Variants in CLIC5 observed in about 807,000 individuals in gnomAD.
The protein encoded by CLIC5 is CLIC family member 5.
In CLIC5, 20 loss-of-function variants were observed where a neutral mutation model predicts 24.7. The ratio of observed to expected loss-of-function variants is 0.81; its 90% CI spans 0.57 to 1.18. The LOEUF (loss-of-function observed/expected upper bound fraction) is 1.18, where lower values mean the gene tolerates loss of function less well. Ranked by LOEUF, CLIC5 falls within the 50% of genes most tolerant of loss-of-function variation. The probability of loss-of-function intolerance (pLI) is 0.00; values close to 1 mark genes in which losing one functional copy is unlikely to be tolerated. For missense variants in CLIC5, 341 were observed against 326.1 expected (o/e 1.05, Z -0.35); for synonymous variants, 159 against 135.6 (o/e 1.17, Z -1.20).
intron 1 of CLIC5, among the ~76,000 whole-genome samples, chr6:46,049,307 G>A (rs1472200790): frequency 6.6e-6 from 1 of 152,128 alleles, no homozygotes; most frequent in East Asian, 1.9e-4. Context: ...CCAGGAACTT[G>A]TGAAAACAGC....
At chr6:46,122,075 C>T in the CLIC5 span, among the ~76,000 whole-genome samples, 1 of 152,162 alleles carries the variant, frequency 6.6e-6, no homozygotes, top group African/African-American at 2.4e-5. Context: ...CTGCACCAAG[C>T]AGGCCTAATA....
chr6:45,960,255 A>G (rs1455468452), intron 1 of CLIC5, among the ~76,000 whole-genome samples: 1 of 152,194 alleles, frequency 6.6e-6, no homozygotes, highest in Non-Finnish European at 1.5e-5. Flanking sequence ...AGTGGGAGGA[A>G]TCATTCAGAG....
In CLIC5 at chr6:45,914,354, G is replaced by A; in HGVS notation, c.462C>T (p.Thr154=). 6.2e-7 allele frequency: 1 copy of A among 1,605,322 alleles called. No homozygotes were observed. Among genetic ancestry groups the A allele is most frequent in the Non-Finnish European group, 8.5e-7 (1 of 1,173,556 alleles). The change falls in exon 5 of 6, where the codon ACC becomes ACT. Residue 154 remains threonine (T), a synonymous_variant. Transcript: ENST00000339561. ...ALKKLDDYLN[T]PLPEEIDANT... is the part of the protein sequence containing the mutation. ...TGGCGTCAATCTCCTCTGGTAGAGG[G>A]GTGTTCAGGTAGTCATCCAATTTCT...
intron 4 of CLIC5, among the ~76,000 whole-genome samples, chr6:45,940,127 T>C: frequency 6.6e-6 from 1 of 152,170 alleles, no homozygotes; most frequent in East Asian, 1.9e-4. Flanking sequence ...CTTCCCCGCA[T>C]CTTCTGCTCA....
chr6:46,098,348 A>T, the CLIC5 span, among the ~76,000 whole-genome samples: 1 of 152,170 alleles, frequency 6.6e-6, no homozygotes. Context: ...GGCAGAAATT[A>T]TTAATTATTA....
chr6:45,890,050 G>A (rs1366258545), intron 6 of CLIC5, among the ~76,000 whole-genome samples: 1 of 152,142 alleles, frequency 6.6e-6, no homozygotes, highest in African/African-American at 2.4e-5. Context: ...TTTGAGAAAT[G>A]TCCATTCAAG....
the CLIC5 span, among the ~76,000 whole-genome samples, chr6:46,118,640 A>G: frequency 6.6e-6 from 1 of 152,242 alleles, no homozygotes; most frequent in Non-Finnish European, 1.5e-5. Context: ...CCTGTCTACA[A>G]GATAATATGA....
At chr6:46,088,163 G>GTGTGTGTGTT in the CLIC5 span, among the ~76,000 whole-genome samples, 3 of 141,928 alleles carry the variant, frequency 2.1e-5, no homozygotes, top group Non-Finnish European at 4.7e-5. Flanking sequence ...CTCTCTTTCT[G>GTGTGTGTGTT]TGTGTGTGTG....
rs757225485 is a variant in CLIC5, at chr6:45,949,315, G to A, written c.240C>T (p.Asp80=). ...THPPFLTFNG[D]VKTDVNKIEE... ...CGATCTTATTGACGTCTGTCTTCACGTCCCCGTTGAAGGTCAGGAAGGGCG... is the reference window on the plus strand; with the variant it reads ...CGATCTTATTGACGTCTGTCTTCACATCCCCGTTGAAGGTCAGGAAGGGCG... Residue 80 remains aspartate (D), a synonymous_variant, in exon 3 of 6, where the codon GAC becomes GAT. Coordinates refer to ENST00000339561, the MANE Select transcript of CLIC5 (RefSeq NM_016929.5). The A allele has an allele frequency of 2.7e-5, 43 of 1,613,934 alleles. No homozygotes were observed. Among genetic ancestry groups the A allele is most frequent in the Admixed American group, 8.3e-5 (5 of 60,010 alleles).
chr6:46,000,268 C>G (rs1275640533), intron 1 of CLIC5, among the ~76,000 whole-genome samples: 2 of 152,238 alleles, frequency 1.3e-5, no homozygotes, highest in Non-Finnish European at 1.5e-5. Context: ...CTAACCTCCA[C>G]GTTGTTTGGA....
At chr6:46,085,213 G>A (rs577277927), upstream of CLIC5, among the ~76,000 whole-genome samples, 4 of 152,240 alleles carry the variant, frequency 2.6e-5, no homozygotes, top group South Asian at 8.3e-4. Context: ...TTTGCCTTTG[G>A]TTTGAATTTC....
intron 1 of CLIC5, among the ~76,000 whole-genome samples, chr6:46,011,755 T>C (rs1402178586): frequency 6.6e-6 from 1 of 152,226 alleles, no homozygotes; most frequent in Non-Finnish European, 1.5e-5. Context: ...TCTGTTTTGC[T>C]TTTACTTCCT....
chr6:46,063,394 A>G (rs1224381265), intron 1 of CLIC5, among the ~76,000 whole-genome samples: 1 of 152,220 alleles, frequency 6.6e-6, no homozygotes, highest in Admixed American at 6.5e-5. Context: ...ATATGAAATG[A>G]TGGTTTTCAG....
At chr6:46,084,362 T>C (rs955690795), upstream of CLIC5, among the ~76,000 whole-genome samples, 2 of 152,232 alleles carry the variant, frequency 1.3e-5, no homozygotes, top group African/African-American at 4.8e-5. Flanking sequence ...TGCAGTTTCT[T>C]CCTAGCATCA....
chr6:46,058,717 C>G (rs1361113353), intron 1 of CLIC5, among the ~76,000 whole-genome samples: 2 of 152,132 alleles, frequency 1.3e-5, no homozygotes, highest in African/African-American at 4.8e-5. Context: ...CCTTTACAAA[C>G]CTACCTGGTA....
the CLIC5 span, among the ~76,000 whole-genome samples, chr6:46,108,032 CA>C: frequency 0.096 from 3,213 of 33,392 alleles, 24 homozygotes; most frequent in African/African-American, 0.11. Context: ...AAAACTCCAT[CA>C]AAAAAAAAAA....
At chr6:45,913,669 A>C in intron 5 of CLIC5, 3 of 655,940 alleles carry the variant, frequency 4.6e-6, no homozygotes. Context: ...AGAGGATGAC[A>C]CTACATGCTG....
intron 2 of CLIC5, among the ~76,000 whole-genome samples, chr6:45,950,966 T>C (rs185095408): frequency 6.6e-6 from 1 of 152,336 alleles, no homozygotes; most frequent in East Asian, 1.9e-4. Flanking sequence ...GTTACTTAAA[T>C]GTTATCTTAA....
At chr6:46,079,382 T>G (rs904813454) in intron 1 of CLIC5, among the ~76,000 whole-genome samples, 1 of 152,206 alleles carries the variant, frequency 6.6e-6, no homozygotes. Context: ...GACAGAAAAA[T>G]GTACTTAATG....
Sources: gnomAD v4.1 joint callset for allele counts (sites outside exome capture counted in the v4.1 genomes callset) on GRCh38, gnomAD v4.1.1 for gene constraint, MANE v1.5 for transcripts, NCBI Gene and HGNC (gene_info 2026-07-23, HGNC 2026-07-21) for gene names.